NLGN1: variants seen among roughly 807,000 people sequenced by gnomAD.
NLGN1 encodes neuroligin 1, also known as neuroligin-1.
NLGN1 carries 12 observed loss-of-function variants against 65.5 expected under a neutral mutation model. That is an observed-to-expected ratio of 0.18 (90% CI 0.12 to 0.30). The LOEUF (loss-of-function observed/expected upper bound fraction) is 0.30. Ranked by LOEUF, NLGN1 falls within the 10% of genes least tolerant of loss-of-function variation. NLGN1 has a pLI of 1.00. For missense variants in NLGN1, 750 were observed against 1,007.1 expected (o/e 0.74, Z 3.46); for synonymous variants, 350 against 359.5 (o/e 0.97, Z 0.30).
intron 2 of NLGN1, among the ~76,000 whole-genome samples, chr3:173,438,848 G>C (rs1282939494): frequency 6.6e-6 from 1 of 152,094 alleles, no homozygotes; most frequent in Non-Finnish European, 1.5e-5. Flanking sequence ...AGTGTTATAT[G>C]TTAGCAAGAA....
intron 4 of NLGN1, among the ~76,000 whole-genome samples, chr3:174,146,073 C>A (rs1436282903): frequency 3.3e-5 from 5 of 151,778 alleles, no homozygotes; most frequent in African/African-American, 1.2e-4. Flanking sequence ...TTAATATAAC[C>A]TATTAATCTA....
At chr3:174,274,254 A>T (rs959762591) in intron 4 of NLGN1, among the ~76,000 whole-genome samples, 16 of 151,830 alleles carry the variant, frequency 1.1e-4, no homozygotes, top group Admixed American at 1.1e-3. Context: ...ATTAAATGCA[A>T]AAATATATTA....
chr3:173,966,976 A>T (rs1332120621), intron 4 of NLGN1, among the ~76,000 whole-genome samples: 1 of 152,184 alleles, frequency 6.6e-6, no homozygotes, highest in Non-Finnish European at 1.5e-5. Context: ...TCTGGAAAAA[A>T]TTCATATAGT....
intron 3 of NLGN1, among the ~76,000 whole-genome samples, chr3:173,696,623 G>T (rs559956584): frequency 6.6e-6 from 1 of 152,266 alleles, no homozygotes; most frequent in Non-Finnish European, 1.5e-5. Flanking sequence ...GCACTGGGAA[G>T]ACAACTCTGT....
At chr3:174,238,753 TAGACAG>T (rs1742222537) in intron 4 of NLGN1, among the ~76,000 whole-genome samples, 1 of 152,224 alleles carries the variant, frequency 6.6e-6, no homozygotes, top group Admixed American at 6.5e-5. Context: ...CCCAATTTCA[TAGACAG>T]AGGATGCAAA....
intron 4 of NLGN1, among the ~76,000 whole-genome samples, chr3:174,116,022 C>T (rs1716331764): frequency 6.6e-6 from 1 of 152,076 alleles, no homozygotes; most frequent in South Asian, 2.1e-4. Flanking sequence ...AGTAAAAACT[C>T]TGAGAATATT....
At chr3:173,444,034 TTTTAAC>T (rs927651239) in intron 2 of NLGN1, among the ~76,000 whole-genome samples, 56 of 152,306 alleles carry the variant, frequency 3.7e-4, no homozygotes, top group African/African-American at 1.3e-3. Flanking sequence ...CTATGTATAA[TTTTAAC>T]TTGAAAAGAT....
At chr3:174,154,936 T>TTTATATATAATATATAATATAATATATAA (rs1725064176) in intron 4 of NLGN1, among the ~76,000 whole-genome samples, 2 of 91,648 alleles carry the variant, frequency 2.2e-5, no homozygotes, top group Non-Finnish European at 4.0e-5. Flanking sequence ...TAATTTATAT[T>TTTATATATAATATATAATATAATATATAA]TTATATATAA....
intron 4 of NLGN1, among the ~76,000 whole-genome samples, chr3:174,037,080 A>T (rs1402736256): frequency 6.6e-6 from 1 of 152,132 alleles, no homozygotes; most frequent in East Asian, 1.9e-4. Context: ...ATGTCTCTTC[A>T]TAATAGAATG....
intron 2 of NLGN1, among the ~76,000 whole-genome samples, chr3:173,441,104 T>C (rs977132377): frequency 6.6e-6 from 1 of 152,212 alleles, no homozygotes; most frequent in Non-Finnish European, 1.5e-5. Context: ...GCTTCCAGCT[T>C]TCCTTCTGTA....
At chr3:173,866,181 G>A (rs989971052) in intron 4 of NLGN1, among the ~76,000 whole-genome samples, 1 of 152,146 alleles carries the variant, frequency 6.6e-6, no homozygotes, top group Non-Finnish European at 1.5e-5. Context: ...AGGTAATTAA[G>A]GTAGCTCAGT....
In NLGN1 at chr3:173,416,463, C is replaced by G. The variant is rs73047926; in HGVS notation, c.-390+17976C>G. 9.8e-3 allele frequency among the ~76,000 whole-genome samples: 1,497 copies of G among 152,304 alleles called. 25 individuals are homozygous for G. The highest frequency in any genetic ancestry group is 0.034 in the African/African-American group (1,393 of 41,574). On this transcript the variant is annotated intron_variant, in intron 1 of 6. Transcript: ENST00000457714. Reference sequence around the variant, plus strand: ...AAAAACAGGCAACCAGGAGCAGCGTCTTCCCATGAATTTCACTGTGTGAGT... The same window carrying G: ...AAAAACAGGCAACCAGGAGCAGCGTGTTCCCATGAATTTCACTGTGTGAGT...
rs532964021 is a variant in NLGN1, at chr3:174,192,246, TA to T, written c.647-83063del. On this transcript the variant is annotated intron_variant, in intron 4 of 6. Coordinates refer to ENST00000457714, the Ensembl canonical transcript of NLGN1. ...GAAACACATTAGAGAAATTTTAACT[TA>T]AAAAATTCAAAATATTAAACATAAA... Among the ~76,000 whole-genome samples, 492 of 152,254 alleles carry T rather than the reference TA, an allele frequency of 3.2e-3. 2 individuals are homozygous for T. The highest frequency in any genetic ancestry group is 0.011 in the African/African-American group (467 of 41,558).
rs570091976 is a variant in NLGN1, at chr3:173,430,489, T to C, written c.-389-4521T>C. On this transcript the variant is annotated intron_variant, in intron 1 of 6. Transcript: ENST00000457714. ...ATAAGATGTATCTTTTGGAAAAATG[T>C]CACAGAAGTGAAGCTGTTATCTTAC... Among the ~76,000 whole-genome samples the C allele has an allele frequency of 9.8e-4, 149 of 152,366 alleles. 1 individual carries two copies. Among genetic ancestry groups the C allele is most frequent in the Non-Finnish European group, 1.5e-3 (101 of 68,034 alleles).
intron 4 of NLGN1, among the ~76,000 whole-genome samples, chr3:174,163,149 A>G (rs763685760): frequency 3.9e-5 from 6 of 152,150 alleles, no homozygotes; most frequent in Non-Finnish European, 5.9e-5. Context: ...ACTGTCTACT[A>G]GACTAGATTT....
At chr3:173,936,102 TTAAG>T (rs892577988) in intron 4 of NLGN1, among the ~76,000 whole-genome samples, 2 of 151,974 alleles carry the variant, frequency 1.3e-5, no homozygotes, top group Admixed American at 1.3e-4. Flanking sequence ...GATTTGCACA[TTAAG>T]TCTTTTTTTT....
At chr3:174,056,643 AGGCCAT>A (rs1736167570) in intron 4 of NLGN1, among the ~76,000 whole-genome samples, 1 of 152,018 alleles carries the variant, frequency 6.6e-6, no homozygotes, top group African/African-American at 2.4e-5. Flanking sequence ...TCAAAGATAA[AGGCCAT>A]TTATTTTTTT....
At chr3:173,702,031 A>C (rs1424628690) in intron 3 of NLGN1, among the ~76,000 whole-genome samples, 2 of 152,044 alleles carry the variant, frequency 1.3e-5, no homozygotes, top group African/African-American at 2.4e-5. Flanking sequence ...CGAGGTCAGG[A>C]GATCGAGACC....
In NLGN1 at chr3:174,221,561, G is replaced by A. The variant is rs529536252; in HGVS notation, c.647-53754G>A. On this transcript the variant is annotated intron_variant, in intron 4 of 6. Transcript: ENST00000457714. ...GTCATGAACAATAAGTTTATTAAAA[G>A]CCAGATTCTTAGATAAGTTATACTT... Among the ~76,000 whole-genome samples the A allele has an allele frequency of 7.2e-4, 110 of 151,938 alleles. 1 individual carries two copies. Among genetic ancestry groups the A allele is most frequent in the African/African-American group, 2.4e-3 (99 of 41,440 alleles).
Sources: allele counts gnomAD v4.1 joint callset (sites outside exome capture counted in the v4.1 genomes callset), GRCh38; gene constraint gnomAD v4.1.1; transcripts MANE v1.5; gene names NCBI Gene and HGNC (gene_info 2026-07-23, HGNC 2026-07-21).